Variants in VAC14 observed in about 807,000 individuals in gnomAD.
The protein encoded by VAC14 is protein VAC14 homolog.
In VAC14, 47 loss-of-function variants were observed where a neutral mutation model predicts 85.3. That is an observed-to-expected ratio of 0.55 (90% confidence interval 0.44 to 0.70). The LOEUF is 0.70. VAC14 is among the 30% of genes least tolerant of loss of function. The probability of loss-of-function intolerance (pLI) is 0.00; values close to 1 mark genes in which losing one functional copy is unlikely to be tolerated. For synonymous variants in VAC14, 447 were observed against 430.5 expected (o/e 1.04, Z -0.47); for missense variants, 861 against 1,004.3 (o/e 0.86, Z 1.93).
At chr16:70,735,644 C>G (rs961875973) in intron 13 of VAC14, among the ~76,000 whole-genome samples, 2 of 152,242 alleles carry the variant, frequency 1.3e-5, no homozygotes, top group African/African-American at 4.8e-5. Context: ...GATTCCTTAC[C>G]AAGAGCCACA....
intron 10 of VAC14, among the ~76,000 whole-genome samples, chr16:70,764,902 C>A (rs1381411852): frequency 1.3e-5 from 2 of 152,176 alleles, no homozygotes; most frequent in Non-Finnish European, 2.9e-5. Flanking sequence ...TAGCTGACGG[C>A]CAGCATTTAC....
chr16:70,744,006 C>T (rs1005166530), intron 13 of VAC14, among the ~76,000 whole-genome samples: 9 of 152,016 alleles, frequency 5.9e-5, no homozygotes, highest in South Asian at 4.1e-4. Flanking sequence ...CTGCCTGCCA[C>T]GTGCAGTGCT....
intron 14 of VAC14, among the ~76,000 whole-genome samples, chr16:70,719,185 A>C (rs2054230803): frequency 6.6e-6 from 1 of 151,950 alleles, no homozygotes; most frequent in Non-Finnish European, 1.5e-5. Flanking sequence ...GGTTTCCAAG[A>C]CCCTGTCAAG....
chr16:70,783,417 G>A (rs2033905509), intron 6 of VAC14, 28 bp downstream of exon 6: 3 of 1,609,234 alleles, frequency 1.9e-6, no homozygotes, highest in Non-Finnish European at 2.6e-6. Context: ...GCAGGAGGCA[G>A]CAGCTTCCTG....
chr16:70,712,208 G>A (rs565402092), intron 14 of VAC14, among the ~76,000 whole-genome samples: 1 of 152,078 alleles, frequency 6.6e-6, no homozygotes, highest in Non-Finnish European at 1.5e-5. Flanking sequence ...TGGATTAAAC[G>A]CGTGAGAAAT....
chr16:70,774,540 A>G (rs1353921540), intron 9 of VAC14, among the ~76,000 whole-genome samples: 1 of 152,156 alleles, frequency 6.6e-6, no homozygotes, highest in Non-Finnish European at 1.5e-5. Context: ...GGGGGAAGAT[A>G]CTTAAGATTG....
chr16:70,689,173 TC>T (rs2053553541), intron 18 of VAC14: 3 of 976,350 alleles, frequency 3.1e-6, no homozygotes, highest in African/African-American at 1.7e-5. Flanking sequence ...TGTGACTGTT[TC>T]CTCATCTGCA....
At chr16:70,688,384 T>A in intron 18 of VAC14, 1 of 1,068,560 alleles carries the variant, frequency 9.4e-7, no homozygotes, top group Non-Finnish European at 1.1e-6. Context: ...GCATTTCCTG[T>A]TTACGAGTGG....
chr16:70,688,788 T>A lies in VAC14; in HGVS notation c.2187-698A>T, dbSNP rs2053545670. The A allele has an allele frequency of 3.0e-6, 3 of 985,602 alleles. No individual in the cohort carries two copies. In the South Asian group the frequency reaches 1.4e-4, roughly 46 times the overall value. The allele number at this position is 985,602 out of a possible 1,614,324, so 61.1% of individuals were successfully genotyped here. A position where few individuals can be genotyped will look rare whatever the true frequency, so the allele number is the denominator to read the frequency against. On this transcript the variant is annotated intron_variant, in intron 18 of 18. Transcript: ENST00000261776. ...TGCAATGCGGTAGCCTTGCTGTCCC[T>A]GTCAAGCCCAGTGCTTAGCTTGCCC...
At chr16:70,721,326 T>C (rs2054286728) in intron 14 of VAC14, among the ~76,000 whole-genome samples, 1 of 149,212 alleles carries the variant, frequency 6.7e-6, no homozygotes, top group East Asian at 2.0e-4. Context: ...GCCCTGGGGA[T>C]GGGGATGGGA....
intron 12 of VAC14, among the ~76,000 whole-genome samples, chr16:70,756,465 A>G (rs1354964121): frequency 6.6e-6 from 1 of 152,196 alleles, no homozygotes; most frequent in East Asian, 1.9e-4. Flanking sequence ...TACCAAAGCA[A>G]ATCGCACCTT....
chr16:70,778,202 T>C (rs144405339), intron 9 of VAC14, among the ~76,000 whole-genome samples: 60 of 152,194 alleles, frequency 3.9e-4, no homozygotes, highest in African/African-American at 1.3e-3. Flanking sequence ...TCTAAAAAGG[T>C]AGATAGGCTG....
intron 9 of VAC14, among the ~76,000 whole-genome samples, chr16:70,779,839 T>C (rs1370395430): frequency 6.6e-6 from 1 of 151,806 alleles, no homozygotes; most frequent in Non-Finnish European, 1.5e-5. Context: ...TGGTTTCTTT[T>C]TTCTTTTTTT....
chr16:70,775,487 C>G (rs935861962), intron 9 of VAC14, among the ~76,000 whole-genome samples: 1 of 152,226 alleles, frequency 6.6e-6, no homozygotes, highest in Admixed American at 6.5e-5. Context: ...GGCCATAGAC[C>G]TTTTCTCCTA....
intron 16 of VAC14, 166 bp downstream of exon 16, chr16:70,696,973 C>T: frequency 3.3e-6 from 2 of 597,626 alleles, no homozygotes; most frequent in Non-Finnish European, 6.1e-6. Context: ...ATACGTCCCT[C>T]CCCTCCCAGT....
At chr16:70,771,899 G>A (rs776282713) in intron 10 of VAC14, 11 of 556,268 alleles carry the variant, frequency 2.0e-5, no homozygotes, top group Admixed American at 9.2e-5. Context: ...CTTCTAATCC[G>A]CCCTATCTAT....
intron 14 of VAC14, chr16:70,699,304 G>C (rs750139709): frequency 1.1e-5 from 2 of 186,862 alleles, no homozygotes; most frequent in Non-Finnish European, 2.3e-5. Flanking sequence ...CGAGGTCAGG[G>C]ATTTGCACTG....
intron 14 of VAC14, among the ~76,000 whole-genome samples, chr16:70,718,742 C>A (rs528147598): frequency 6.2e-4 from 95 of 152,228 alleles, no homozygotes; most frequent in African/African-American, 2.2e-3. Context: ...CTGCCACTCA[C>A]AGCACCCCTC....
At chr16:70,786,439 T>C in intron 1 of VAC14, 74 bp from the exon 2 acceptor site, 1 of 1,569,782 alleles carries the variant, frequency 6.4e-7, no homozygotes, top group Non-Finnish European at 8.7e-7. Flanking sequence ...GGGGCGGCAA[T>C]GAGGAAGGGA....
Sources: allele counts gnomAD v4.1 joint callset (sites outside exome capture counted in the v4.1 genomes callset), GRCh38; gene constraint gnomAD v4.1.1; transcripts MANE v1.5; gene names NCBI Gene and HGNC (gene_info 2026-07-23, HGNC 2026-07-21).